NPAS3: variants seen among roughly 807,000 people sequenced by gnomAD.
The protein encoded by NPAS3 is neuronal PAS domain protein 3.
Under a neutral mutation model 73.1 loss-of-function variants are expected in NPAS3, and 14 were observed. The observed-to-expected ratio is 0.19, with a 90% confidence interval of 0.13 to 0.30. The LOEUF is 0.30. NPAS3 is among the 10% of genes least tolerant of loss of function. The pLI is 1.00. For missense variants in NPAS3, 1,096 were observed against 1,250.0 expected, an observed-to-expected ratio of 0.88 and a Z score of 1.86; for synonymous variants, 620 against 541.5, an observed-to-expected ratio of 1.14 and a Z score of -2.01.
intron 1 of NPAS3, among the ~76,000 whole-genome samples, chr14:32,951,695 T>C (rs567301953): frequency 1.1e-4 from 17 of 152,238 alleles, no homozygotes; most frequent in Admixed American, 3.3e-4. Context: ...AATGTAATAT[T>C]TGATGGATAG....
chr14:33,800,501 G>A lies in NPAS3; in HGVS notation c.2194G>A (p.Gly732Ser), dbSNP rs1029467921. The A allele has an allele frequency of 4.5e-5, 65 of 1,440,768 alleles. No homozygotes were observed. Among genetic ancestry groups the A allele is most frequent in the Non-Finnish European group, 5.7e-5 (63 of 1,104,832 alleles). 89.2% of individuals were successfully genotyped at this position (1,440,768 alleles called of 1,614,324 possible). The stretch of plus-strand genomic sequence containing the variant: ...CGCGGCCGCCCGCAAGACTCAGTTC[G>A]GCGCCTCGGCCACCGCGGCCCTGGC... The change falls in exon 12 of 12, where the codon GGC becomes AGC. Residue 732 changes from glycine to serine, a missense_variant. By Grantham distance (56) the Gly-to-Ser change is moderately conservative (BLOSUM62 0). Around this residue, in one of 5 missense-constraint regions of NPAS3, gnomAD observed 698 missense variants for 676.7 expected, o/e 1.03. Coordinates refer to ENST00000356141, the Ensembl canonical transcript of NPAS3. The surrounding 1 kb of genome is among the most constrained non-coding windows in gnomAD (Gnocchi z 6.5).
In NPAS3 at chr14:33,126,803, T is replaced by G. The variant is rs141028521; in HGVS notation, c.140+70809T>G. On this transcript the variant is annotated intron_variant, in intron 2 of 11. Coordinates refer to ENST00000356141, the Ensembl canonical transcript of NPAS3. ...CAAGCCAGACTCCACTTACCACTCA[T>G]GTTGAGATTTGTTCCCAACCTCAGA... 1.4e-3 allele frequency among the ~76,000 whole-genome samples: 215 copies of G among 152,290 alleles called. 2 individuals are homozygous for G. The highest frequency in any genetic ancestry group is 4.5e-3 in the African/African-American group (185 of 41,570).
rs377403503 is a variant in NPAS3, at chr14:33,367,272, C to A, written c.468+4C>A. The A allele has an allele frequency of 2.1e-5, 18 of 852,458 alleles. No homozygotes were observed. Among genetic ancestry groups the A allele is most frequent in the Admixed American group, 3.7e-5 (2 of 53,986 alleles). 52.8% of individuals were successfully genotyped at this position (852,458 alleles called of 1,614,324 possible). On this transcript the variant is annotated splice_donor_region_variant and intron_variant, in intron 4 of 11. Transcript: ENST00000356141. ...TTTGGGAAGCCACATTTTGCAGGTA[C>A]CTTTAAAACAAAAAGAAGCTTTCTT...
At chr14:32,957,506 G>A (rs543660201) in intron 1 of NPAS3, among the ~76,000 whole-genome samples, 1 of 151,654 alleles carries the variant, frequency 6.6e-6, no homozygotes, top group African/African-American at 2.4e-5. Flanking sequence ...CGAGTAGCTG[G>A]GTCTACAGGT....
chr14:33,662,244 G>A (rs1262209941), intron 5 of NPAS3, among the ~76,000 whole-genome samples: 1 of 152,178 alleles, frequency 6.6e-6, no homozygotes, highest in East Asian at 1.9e-4. Context: ...ACAGGTTGAG[G>A]TTTTGTGGTT....
intron 4 of NPAS3, among the ~76,000 whole-genome samples, chr14:33,479,934 A>G (rs982990631): frequency 1.3e-5 from 2 of 152,162 alleles, no homozygotes; most frequent in Non-Finnish European, 1.5e-5. Context: ...AAGTATGGGA[A>G]AGACATTTCC....
At chr14:33,313,329 G>A (rs939428770) in intron 3 of NPAS3, among the ~76,000 whole-genome samples, 1 of 152,042 alleles carries the variant, frequency 6.6e-6, no homozygotes, top group Non-Finnish European at 1.5e-5. Flanking sequence ...GACACACTGA[G>A]AGTTAATGCT....
At position 32,993,740 on chromosome 14, in the gene NPAS3, G is replaced by A. The variant is rs562802262; in HGVS notation, c.50+54374G>A. 3.5e-4 allele frequency among the ~76,000 whole-genome samples: 54 copies of A among 152,142 alleles called. 1 individual carries two copies. Among genetic ancestry groups the A allele is most frequent in the Admixed American group, 3.2e-3 (49 of 15,260 alleles). On this transcript the variant is annotated intron_variant, in intron 1 of 11. Coordinates refer to ENST00000356141, the Ensembl canonical transcript of NPAS3. ...AGCATTCTTTCCAATGAATTTTTAT[G>A]GAAATTGATTTTAATTTTGAATGAA...
chr14:33,591,998 T>C (rs2057085188), intron 5 of NPAS3, among the ~76,000 whole-genome samples: 2 of 152,208 alleles, frequency 1.3e-5, no homozygotes, highest in African/African-American at 4.8e-5. Flanking sequence ...TGCTGTGATG[T>C]AGATGGAGCT....
intron 1 of NPAS3, among the ~76,000 whole-genome samples, chr14:33,017,298 G>A (rs2039430434): frequency 6.6e-6 from 1 of 152,132 alleles, no homozygotes; most frequent in South Asian, 2.1e-4. Context: ...CAGCCAGGAT[G>A]CCAGGCTAAC....
At chr14:33,094,113 A>T (rs1229859434) in intron 2 of NPAS3, among the ~76,000 whole-genome samples, 3 of 118,064 alleles carry the variant, frequency 2.5e-5, no homozygotes, top group African/African-American at 9.0e-5. Context: ...AACTTAAAGT[A>T]TAAAAAAAAA....
intron 7 of NPAS3, among the ~76,000 whole-genome samples, chr14:33,751,640 A>C (rs2061965729): frequency 6.6e-6 from 1 of 152,212 alleles, no homozygotes; most frequent in African/African-American, 2.4e-5. Flanking sequence ...AGGCGCCCAC[A>C]GTTTCCCTTG....
At chr14:33,518,813 A>G (rs2053429532) in intron 4 of NPAS3, among the ~76,000 whole-genome samples, 1 of 152,086 alleles carries the variant, frequency 6.6e-6, no homozygotes, top group Non-Finnish European at 1.5e-5. Flanking sequence ...CAATCAGTTA[A>G]GGATTGAACA....
At chr14:33,094,500 C>T in intron 2 of NPAS3, among the ~76,000 whole-genome samples, 1 of 149,314 alleles carries the variant, frequency 6.7e-6, no homozygotes, top group Non-Finnish European at 1.5e-5. Flanking sequence ...GAGTCTCACT[C>T]TGTTGCCCAG....
At chr14:33,002,748 A>G (rs2038854024) in intron 1 of NPAS3, among the ~76,000 whole-genome samples, 1 of 152,238 alleles carries the variant, frequency 6.6e-6, no homozygotes, top group Admixed American at 6.5e-5. Context: ...GATTTGAATG[A>G]CTGTAATGTG....
At chr14:33,262,273 T>C (rs2049001115) in intron 3 of NPAS3, among the ~76,000 whole-genome samples, 1 of 152,214 alleles carries the variant, frequency 6.6e-6, no homozygotes, top group Non-Finnish European at 1.5e-5. Context: ...GATTGTCTCA[T>C]AGTTAAATTT....
At chr14:33,506,427 AT>A (rs1196028213) in intron 4 of NPAS3, among the ~76,000 whole-genome samples, 2 of 152,072 alleles carry the variant, frequency 1.3e-5, no homozygotes, top group Non-Finnish European at 2.9e-5. Flanking sequence ...AAATGGAAGG[AT>A]TAAAAGGAGA....
chr14:33,044,583 G>C (rs1312470513), intron 1 of NPAS3, among the ~76,000 whole-genome samples: 1 of 151,778 alleles, frequency 6.6e-6, no homozygotes. Context: ...CCACAAACTT[G>C]TGCCAGGCTT....
chr14:33,528,615 A>G (rs1442217639), intron 4 of NPAS3, among the ~76,000 whole-genome samples: 1 of 151,944 alleles, frequency 6.6e-6, no homozygotes, highest in Non-Finnish European at 1.5e-5. Flanking sequence ...TATGCATCTA[A>G]CCCAAGCCTC....
Sources: gnomAD v4.1 joint callset for allele counts (sites outside exome capture counted in the v4.1 genomes callset) on GRCh38, gnomAD v4.1.1 for gene constraint, gnomAD v4.1.1 regional missense constraint, Gnocchi (gnomAD v3.1) non-coding constraint, MANE v1.5 for transcripts, NCBI Gene and HGNC (gene_info 2026-07-23, HGNC 2026-07-21) for gene names.